Variants in FGD5 observed in about 807,000 individuals in gnomAD.
FGD5 encodes FYVE, RhoGEF and PH domain containing 5.
In FGD5, 28 loss-of-function variants were observed where a neutral mutation model predicts 133.4. The ratio of observed to expected loss-of-function variants is 0.21; its 90% CI spans 0.16 to 0.29. The LOEUF is 0.29. Ranked by LOEUF, FGD5 falls within the 10% of genes least tolerant of loss-of-function variation. FGD5 has a pLI of 1.00. For synonymous variants in FGD5, 810 were observed against 776.5 expected (o/e 1.04, Z -0.72); for missense variants, 1,858 against 1,895.2 (o/e 0.98, Z 0.36).
At chr3:14,859,930 A>G (rs912215202) in intron 1 of FGD5, among the ~76,000 whole-genome samples, 1 of 152,260 alleles carries the variant, frequency 6.6e-6, no homozygotes, top group Non-Finnish European at 1.5e-5. Flanking sequence ...AACTGTTTCC[A>G]TGTCATTAAA....
chr3:14,835,123 C>T (rs2036790716), intron 1 of FGD5, among the ~76,000 whole-genome samples: 1 of 152,190 alleles, frequency 6.6e-6, no homozygotes, highest in African/African-American at 2.4e-5. Flanking sequence ...TTGCCCCCGC[C>T]TTAGGAAATG....
intron 9 of FGD5, 124 bp downstream of exon 9, chr3:14,901,185 C>G: frequency 9.7e-7 from 1 of 1,030,402 alleles, no homozygotes; most frequent in East Asian, 2.4e-5. Context: ...TTGTGGGACT[C>G]TGCAGAGAGC....
In FGD5 at chr3:14,864,256, A is replaced by G. The variant is rs761481216; in HGVS notation, c.2654A>G (p.His885Arg). 11 of 1,613,950 alleles carry G rather than the reference A, an allele frequency of 6.8e-6. No individual in the cohort carries two copies. The South Asian group carries it at 1.1e-4, about 16-fold the overall frequency. The change falls in exon 2 of 20, where the codon CAC (histidine) becomes CGC (arginine). Residue 885 changes from histidine to arginine, a missense_variant. Coordinates refer to ENST00000285046, the MANE Select transcript of FGD5 (RefSeq NM_152536.4). The part of the protein sequence containing the change: ...DSASRDPSVT[H>R]KVEGQSRALV... Reference sequence around the variant, plus strand: ...GCTTCAAGAGACCCCAGTGTCACCCACAAGGTAGGGCACCCCACAGGTAGG... The same window carrying G: ...GCTTCAAGAGACCCCAGTGTCACCCGCAAGGTAGGGCACCCCACAGGTAGG...
rs1305510751 is a variant in FGD5, at chr3:14,852,206, T to C, written c.2526-11922T>C. 2.0e-5 allele frequency among the ~76,000 whole-genome samples: 3 copies of C among 152,254 alleles called. No individual in the cohort carries two copies. The South Asian group carries it at 6.2e-4, about 32-fold the overall frequency. On this transcript the variant is annotated intron_variant, in intron 1 of 19. Coordinates refer to ENST00000285046, the MANE Select transcript of FGD5 (RefSeq NM_152536.4). ...AAGAAACAATTCAAATGTCTATCAG[T>C]TGAATGGATAAGCAGTATGATCTGT...
Position 14,933,270 on chromosome 3 carries a change from C to A in FGD5, c.*103C>A. On this transcript the variant is annotated 3_prime_UTR_variant, in exon 20 of 20. Coordinates refer to ENST00000285046, the MANE Select transcript of FGD5 (RefSeq NM_152536.4). ...ACTCATCCGGACACACACCTGGATT[C>A]AGCAATGAGGCCTGACCTTTTTTGC... 7.3e-7 allele frequency: 1 copy of A among 1,361,626 alleles called. No homozygotes were observed. Among genetic ancestry groups the A allele is most frequent in the Non-Finnish European group, 1.0e-6 (1 of 971,718 alleles). The allele number at this position is 1,361,626 out of a possible 1,614,324, so 84.3% of individuals were successfully genotyped here.
chr3:14,853,801 A>T (rs1300898133), intron 1 of FGD5, among the ~76,000 whole-genome samples: 1 of 148,174 alleles, frequency 6.7e-6, no homozygotes, highest in Non-Finnish European at 1.5e-5. Context: ...ACGTGGAGGC[A>T]CATATCCTCT....
In FGD5 at chr3:14,819,296, G is replaced by A. The variant is rs1279434134; in HGVS notation, c.225G>A (p.Glu75=). ...YIVVPRVPLR[E]DEPKDEGSVG... ...TGGTCCCCAGGGTTCCGCTGAGGGAGGATGAACCCAAGGACGAGGGCAGTG... is the reference window on the plus strand; with the variant it reads ...TGGTCCCCAGGGTTCCGCTGAGGGAAGATGAACCCAAGGACGAGGGCAGTG... The change falls in exon 1 of 20, where the codon GAG becomes GAA. Residue 75 remains glutamate, a synonymous_variant. Coordinates refer to ENST00000285046, the MANE Select transcript of FGD5 (RefSeq NM_152536.4). This position sits in a 1 kb window ranked among gnomAD's most constrained non-coding sequence, Gnocchi z 4.1. The A allele has an allele frequency of 6.5e-7, 1 of 1,530,514 alleles. No individual in the cohort carries two copies. Among genetic ancestry groups the A allele is most frequent in the Non-Finnish European group, 8.8e-7 (1 of 1,136,034 alleles). 94.8% of individuals were successfully genotyped at this position (1,530,514 alleles called of 1,614,324 possible).
At position 14,828,602 on chromosome 3, in the gene FGD5, C is replaced by T. The variant is rs144506229; in HGVS notation, c.2525+7006C>T. ...CCCTCACTCAGTCCGCTAGCGTTCC[C>T]GGAGTATCTGCTGGTTGTCTGTGCT... On this transcript the variant is annotated intron_variant, in intron 1 of 19. Transcript: ENST00000285046. Among the ~76,000 whole-genome samples, 433 of 152,196 alleles carry T rather than the reference C, an allele frequency of 2.8e-3. 2 individuals are homozygous for T. Among genetic ancestry groups the T allele is most frequent in the African/African-American group, 9.5e-3 (396 of 41,514 alleles).
chr3:14,914,679 C>G (rs2038517916), intron 11 of FGD5, among the ~76,000 whole-genome samples: 1 of 152,162 alleles, frequency 6.6e-6, no homozygotes, highest in South Asian at 2.1e-4. Flanking sequence ...CTGACATTCC[C>G]TCCCGAGCAC....
chr3:14,931,927 G>C (rs982493228), intron 18 of FGD5: 1 of 152,158 alleles, frequency 6.6e-6, no homozygotes, highest in Non-Finnish European at 1.5e-5. Context: ...GTGTGATCTT[G>C]GGCAATTAAC....
At chr3:14,828,111 G>T (rs558023908) in intron 1 of FGD5, among the ~76,000 whole-genome samples, 11 of 152,304 alleles carry the variant, frequency 7.2e-5, no homozygotes, top group Admixed American at 7.2e-4. Context: ...TTTGGGCAAG[G>T]ATTGCATGGA....
intron 2 of FGD5, among the ~76,000 whole-genome samples, chr3:14,867,912 G>A (rs887012580): frequency 1.3e-5 from 2 of 152,042 alleles, no homozygotes; most frequent in African/African-American, 4.8e-5. Flanking sequence ...TGTGGGCCCC[G>A]GGAGGTGTTT....
chr3:14,853,607 C>G (rs928630346), intron 1 of FGD5, among the ~76,000 whole-genome samples: 2 of 142,998 alleles, frequency 1.4e-5, no homozygotes, highest in Non-Finnish European at 3.0e-5. Flanking sequence ...GGAGTGCCCA[C>G]TGAGAGATTC....
Position 14,820,292 on chromosome 3 carries a change from T to C in FGD5, c.1221T>C (p.Gly407=), listed in dbSNP as rs1365123382. ...CCCTACAGGGTGGAGCGGCCGAGGG[T>C]CCCGCAGCCCCTGATGTGGTGGTCG... ...CGSLQGGAAE[G]PAAPDVVVVL... is the part of the protein sequence containing the mutation. The change falls in exon 1 of 20, where the codon GGT becomes GGC. Residue 407 remains glycine, a synonymous_variant. Transcript: ENST00000285046. The C allele has an allele frequency of 1.2e-6, 2 of 1,604,968 alleles. No homozygotes were observed. Among genetic ancestry groups the C allele is most frequent in the African/African-American group, 1.3e-5 (1 of 74,732 alleles).
At chr3:14,827,257 G>A (rs1158776200) in intron 1 of FGD5, among the ~76,000 whole-genome samples, 1 of 149,266 alleles carries the variant, frequency 6.7e-6, no homozygotes, top group African/African-American at 2.5e-5. Context: ...TTCTGTGGTC[G>A]CAAATTGCCA....
chr3:14,911,011 G>C, intron 11 of FGD5, 82 bp downstream of exon 11: 1 of 1,353,612 alleles, frequency 7.4e-7, no homozygotes, highest in Non-Finnish European at 1.0e-6. Flanking sequence ...AGGACAAGTG[G>C]AATAGGGTGA....
At chr3:14,861,273 A>G (rs1335562865) in intron 1 of FGD5, among the ~76,000 whole-genome samples, 1 of 152,142 alleles carries the variant, frequency 6.6e-6, no homozygotes, top group South Asian at 2.1e-4. Context: ...AACTATTCTG[A>G]ATGTCTGATG....
chr3:14,844,211 AAAAAAAATATATATATATATATATAT>A (rs200985455), intron 1 of FGD5, among the ~76,000 whole-genome samples: 7 of 41,470 alleles, frequency 1.7e-4, no homozygotes, highest in South Asian at 9.6e-4. Flanking sequence ...CATTAAAAAA[AAAAAAAATATATATATATATATATAT>A]ATATATATAT....
At chr3:14,925,904 C>G (rs1160074740) in intron 17 of FGD5, among the ~76,000 whole-genome samples, 166 bp from the exon 18 acceptor site, 1 of 152,234 alleles carries the variant, frequency 6.6e-6, no homozygotes, top group Non-Finnish European at 1.5e-5. Context: ...AAGCATGAAG[C>G]ACTATCTTGC....
Sources: gnomAD v4.1 joint callset for allele counts (sites outside exome capture counted in the v4.1 genomes callset) on GRCh38, gnomAD v4.1.1 for gene constraint, Gnocchi (gnomAD v3.1) non-coding constraint, MANE v1.5 for transcripts, NCBI Gene and HGNC (gene_info 2026-07-23, HGNC 2026-07-21) for gene names.